Variants in MAPK10 observed in about 807,000 individuals in gnomAD.
MAPK10 encodes JNK3 alpha protein kinase.
Under a neutral mutation model 59.3 loss-of-function variants are expected in MAPK10, and 25 were observed. That is an observed-to-expected ratio of 0.42 (90% CI 0.31 to 0.59). MAPK10 has a LOEUF of 0.59. Ranked by LOEUF, MAPK10 falls within the 20% of genes least tolerant of loss-of-function variation. The probability of loss-of-function intolerance (pLI) is 0.15; values close to 1 mark genes in which losing one functional copy is unlikely to be tolerated. For synonymous variants in MAPK10, 190 were observed against 200.5 expected, an observed-to-expected ratio of 0.95 and a Z score of 0.44; for missense variants, 351 against 568.9, an observed-to-expected ratio of 0.62 and a Z score of 3.90.
intron 1 of MAPK10, among the ~76,000 whole-genome samples, chr4:86,480,286 G>A (rs55814693): frequency 6.6e-6 from 1 of 151,664 alleles, no homozygotes. Context: ...GCTCATCCTG[G>A]CTCAAAAATC....
chr4:86,169,084 C>A (rs1181753013), intron 3 of MAPK10, among the ~76,000 whole-genome samples: 1 of 151,846 alleles, frequency 6.6e-6, no homozygotes, highest in Non-Finnish European at 1.5e-5. Context: ...CATCAAAGAC[C>A]AAAAGTAGAT....
intron 1 of MAPK10, among the ~76,000 whole-genome samples, chr4:86,505,129 T>C (rs1451141217): frequency 1.3e-5 from 2 of 152,140 alleles, no homozygotes; most frequent in Non-Finnish European, 2.9e-5. Context: ...TTCTGGAACT[T>C]TTCCCTGGCT....
At chr4:86,377,083 A>G (rs2148997888) in intron 1 of MAPK10, among the ~76,000 whole-genome samples, 1 of 152,310 alleles carries the variant, frequency 6.6e-6, no homozygotes, top group Middle Eastern at 3.4e-3. Flanking sequence ...TCCAAATTCT[A>G]CAGCAGCCAG....
chr4:86,113,992 A>T (rs940774460), intron 4 of MAPK10, among the ~76,000 whole-genome samples: 1 of 151,950 alleles, frequency 6.6e-6, no homozygotes, highest in Non-Finnish European at 1.5e-5. Flanking sequence ...CCTTTCCTCT[A>T]CTTGGTCTAT....
intron 4 of MAPK10, among the ~76,000 whole-genome samples, chr4:86,111,656 A>G (rs1176598201): frequency 6.6e-6 from 1 of 152,110 alleles, no homozygotes; most frequent in East Asian, 1.9e-4. Context: ...TTTTTGCATC[A>G]ATGCTAATCA....
At chr4:86,547,549 G>C (rs1180508624) in intron 1 of MAPK10, among the ~76,000 whole-genome samples, 1 of 152,158 alleles carries the variant, frequency 6.6e-6, no homozygotes, top group Non-Finnish European at 1.5e-5. Context: ...CGCGCTCCCT[G>C]GGCTCCTGTG....
At chr4:86,213,932 G>C (rs1027011895) in intron 2 of MAPK10, among the ~76,000 whole-genome samples, 5 of 151,980 alleles carry the variant, frequency 3.3e-5, no homozygotes, top group Admixed American at 6.6e-5. Context: ...TAAAACCACA[G>C]ACCAATATCC....
chr4:86,300,970 AG>A (rs1564138455), intron 2 of MAPK10: 1 of 151,926 alleles, frequency 6.6e-6, no homozygotes. Flanking sequence ...AGGAAGGCAT[AG>A]GGTGTGATTC....
intron 13 of MAPK10, chr4:86,024,010 A>T (rs1748871446): frequency 6.6e-6 from 1 of 151,822 alleles, no homozygotes; most frequent in Non-Finnish European, 1.5e-5. Flanking sequence ...TTGTGGCATA[A>T]TACAAACCAA....
chr4:86,154,603 C>A (rs187029435), intron 4 of MAPK10, among the ~76,000 whole-genome samples: 1 of 152,012 alleles, frequency 6.6e-6, no homozygotes, highest in Non-Finnish European at 1.5e-5. Context: ...CTAAAAGTCA[C>A]GACAATTTCA....
intron 3 of MAPK10, among the ~76,000 whole-genome samples, chr4:86,170,753 C>T (rs890304310): frequency 2.0e-5 from 3 of 151,332 alleles, no homozygotes; most frequent in African/African-American, 7.3e-5. Context: ...CTCTCCACCC[C>T]AAATCAACAG....
intron 1 of MAPK10, among the ~76,000 whole-genome samples, chr4:86,372,564 G>GAAAGAAAGAAAGAAAAAGA: frequency 6.2e-4 from 49 of 78,718 alleles, no homozygotes; most frequent in Non-Finnish European, 8.3e-4. Flanking sequence ...AAGAAAGAAA[G>GAAAGAAAGAAAGAAAAAGA]AAAGAAAAGA....
intron 2 of MAPK10, among the ~76,000 whole-genome samples, chr4:86,289,613 ATGT>A (rs1452252866): frequency 6.7e-6 from 1 of 149,788 alleles, no homozygotes; most frequent in Non-Finnish European, 1.5e-5. Flanking sequence ...ATAATATATT[ATGT>A]TGTTATATTC....
chr4:86,592,664 A>G (rs528462621), intron 1 of MAPK10, among the ~76,000 whole-genome samples: 2 of 152,318 alleles, frequency 1.3e-5, no homozygotes, highest in South Asian at 4.1e-4. Flanking sequence ...AAGGGCTCCA[A>G]TCATCCACTT....
chr4:86,269,029 T>G (rs1251150199), intron 2 of MAPK10, among the ~76,000 whole-genome samples: 1 of 152,168 alleles, frequency 6.6e-6, no homozygotes, highest in Admixed American at 6.6e-5. Context: ...GACTTCATAA[T>G]GTCTACTAAC....
intron 4 of MAPK10, among the ~76,000 whole-genome samples, chr4:86,129,686 G>A (rs541004780): frequency 6.6e-6 from 1 of 152,032 alleles, no homozygotes; most frequent in South Asian, 2.1e-4. Context: ...TTTCCTGTTG[G>A]TTGGTGTCAT....
chr4:86,303,943 T>C (rs1399025110), intron 2 of MAPK10, among the ~76,000 whole-genome samples: 2 of 152,178 alleles, frequency 1.3e-5, no homozygotes, highest in African/African-American at 4.8e-5. Flanking sequence ...CGATCAACTC[T>C]GCACACACCT....
chr4:86,111,025 T>C (rs1246688369), intron 4 of MAPK10, among the ~76,000 whole-genome samples: 1 of 152,190 alleles, frequency 6.6e-6, no homozygotes, highest in East Asian at 1.9e-4. Flanking sequence ...TTTGGCTCTC[T>C]GCTTATCTAT....
intron 11 of MAPK10, among the ~76,000 whole-genome samples, chr4:86,032,771 A>G (rs1030676671): frequency 1.1e-4 from 16 of 152,210 alleles, no homozygotes; most frequent in Admixed American, 6.5e-4. Context: ...GTATCTGGCT[A>G]TGAAAATAGA....
Sources: allele counts gnomAD v4.1 joint callset (sites outside exome capture counted in the v4.1 genomes callset), GRCh38; gene constraint gnomAD v4.1.1; transcripts MANE v1.5; gene names NCBI Gene and HGNC (gene_info 2026-07-23, HGNC 2026-07-21).